PIK3C2G: variants seen among roughly 807,000 people sequenced by gnomAD.
The protein encoded by PIK3C2G is phosphatidylinositol 3-kinase C2 domain-containing subunit gamma.
PIK3C2G carries 168 observed loss-of-function variants against 181.1 expected under a neutral mutation model. That is an observed-to-expected ratio of 0.93 (90% CI 0.82 to 1.05). The LOEUF is 1.05. Among genes scored for constraint, PIK3C2G ranks in the 50% least tolerant of loss-of-function variants. PIK3C2G has a pLI of 0.00. For missense variants in PIK3C2G, 1,869 were observed against 1,732.8 expected (o/e 1.08, Z -1.40); for synonymous variants, 573 against 592.2 (o/e 0.97, Z 0.47).
At chr12:18,519,633 T>A (rs1406862312) in intron 24 of PIK3C2G, among the ~76,000 whole-genome samples, 1 of 152,204 alleles carries the variant, frequency 6.6e-6, no homozygotes, top group African/African-American at 2.4e-5. Context: ...ATGAGTCTCC[T>A]GAATTCAGCA....
chr12:18,717,052 A>T, the PIK3C2G span, among the ~76,000 whole-genome samples: 2 of 152,182 alleles, frequency 1.3e-5, no homozygotes, highest in African/African-American at 4.8e-5. Flanking sequence ...ACTAGTCACA[A>T]GGAAAAATAT....
the PIK3C2G span, among the ~76,000 whole-genome samples, chr12:18,682,916 T>C: frequency 1.3e-5 from 2 of 152,058 alleles, no homozygotes; most frequent in African/African-American, 2.4e-5. Context: ...TTTGCCAATG[T>C]ATATTTTATA....
At chr12:18,292,227 A>AAAAATATAT in intron 4 of PIK3C2G, among the ~76,000 whole-genome samples, 5 of 48,728 alleles carry the variant, frequency 1.0e-4, no homozygotes, top group African/African-American at 5.5e-4. Context: ...AAAAAAAAAA[A>AAAAATATAT]ATATATATAT....
At chr12:18,507,021 TTC>T (rs1379095675) in intron 24 of PIK3C2G, among the ~76,000 whole-genome samples, 2 of 151,974 alleles carry the variant, frequency 1.3e-5, no homozygotes, top group Non-Finnish European at 2.9e-5. Flanking sequence ...ATTCATTCAC[TTC>T]TTTTTCTTTT....
At chr12:18,683,530 T>C in the PIK3C2G span, 1 of 1,511,244 alleles carries the variant, frequency 6.6e-7, no homozygotes. Flanking sequence ...CAAAACTGAA[T>C]ACACAGCTCA....
At chr12:18,702,907 G>A in the PIK3C2G span, among the ~76,000 whole-genome samples, 76 of 135,900 alleles carry the variant, frequency 5.6e-4, no homozygotes, top group East Asian at 0.017. Flanking sequence ...TGCAACCTCC[G>A]CCTCCTGGGT....
At chr12:18,497,176 C>T (rs563277137) in intron 21 of PIK3C2G, among the ~76,000 whole-genome samples, 1 of 151,996 alleles carries the variant, frequency 6.6e-6, no homozygotes, top group East Asian at 1.9e-4. Flanking sequence ...ATTTATACTC[C>T]CAGTCAAGAA....
chr12:18,287,833 C>G (rs1949516365), intron 3 of PIK3C2G, among the ~76,000 whole-genome samples: 4 of 149,166 alleles, frequency 2.7e-5, no homozygotes, highest in Admixed American at 2.0e-4. Flanking sequence ...TGCACTCCAG[C>G]CTGGGCGACA....
intron 30 of PIK3C2G, among the ~76,000 whole-genome samples, chr12:18,602,761 C>T (rs192065926): frequency 3.9e-5 from 6 of 152,192 alleles, no homozygotes; most frequent in South Asian, 2.1e-4. Context: ...TGAATGAACC[C>T]GGAAGAGAGA....
the PIK3C2G span, among the ~76,000 whole-genome samples, chr12:18,659,582 AG>A: frequency 6.6e-6 from 1 of 152,036 alleles, no homozygotes; most frequent in Non-Finnish European, 1.5e-5. Context: ...TTATAGTGAA[AG>A]GATATCCACA....
chr12:18,707,148 T>C, the PIK3C2G span, among the ~76,000 whole-genome samples: 2 of 152,218 alleles, frequency 1.3e-5, no homozygotes, highest in Admixed American at 6.5e-5. Context: ...TCTCCCCATC[T>C]AGAGGTCTTT....
chr12:18,569,050 T>C (rs1033268254), intron 29 of PIK3C2G, among the ~76,000 whole-genome samples: 1 of 152,058 alleles, frequency 6.6e-6, no homozygotes, highest in African/African-American at 2.4e-5. Flanking sequence ...GCAGCTTGTG[T>C]CCCAACCTCT....
intron 12 of PIK3C2G, among the ~76,000 whole-genome samples, chr12:18,365,923 C>T (rs773608467): frequency 2.3e-4 from 35 of 152,148 alleles, no homozygotes; most frequent in Non-Finnish European, 4.3e-4. Context: ...GTTTCAGACC[C>T]TATGTTCAGA....
the PIK3C2G span, among the ~76,000 whole-genome samples, chr12:18,673,887 T>G: frequency 2.6e-5 from 4 of 152,206 alleles, no homozygotes; most frequent in African/African-American, 9.6e-5. Context: ...CTCTTTCACA[T>G]GGCAGCTTGC....
chr12:18,606,097 T>A (rs963193126), intron 30 of PIK3C2G, among the ~76,000 whole-genome samples: 8 of 152,172 alleles, frequency 5.3e-5, no homozygotes, highest in African/African-American at 1.9e-4. Flanking sequence ...TTCCTAGTGG[T>A]GTGAGTTTTC....
At chr12:18,433,221 A>C (rs1355739005) in intron 18 of PIK3C2G, among the ~76,000 whole-genome samples, 1 of 152,170 alleles carries the variant, frequency 6.6e-6, no homozygotes, top group Non-Finnish European at 1.5e-5. Flanking sequence ...TGATATTTAA[A>C]ACATTAAATG....
chr12:18,407,478 A>G (rs1168510028), intron 16 of PIK3C2G, among the ~76,000 whole-genome samples: 1 of 152,080 alleles, frequency 6.6e-6, no homozygotes, highest in African/African-American at 2.4e-5. Flanking sequence ...CATTTATTCA[A>G]TACGTGTATA....
At chr12:18,391,355 C>A in intron 15 of PIK3C2G, 103 bp downstream of exon 15, 2 of 783,654 alleles carry the variant, frequency 2.6e-6, no homozygotes, top group Non-Finnish European at 3.7e-6. Flanking sequence ...TTCCTTCCTA[C>A]ATAACTGGTT....
In PIK3C2G at chr12:18,399,859, A is replaced by G. The variant is rs371582819; in HGVS notation, c.2315+12A>G. On this transcript the variant is annotated intron_variant, in intron 16 of 32. Transcript: ENST00000538779. ...CTTTTGACTTCCAGGTAAGAATTGC[A>G]TAACAAGCATGATATTACTGACTGA... 194 of 1,542,370 alleles carry G rather than the reference A, an allele frequency of 1.3e-4. No individual in the cohort carries two copies. Among genetic ancestry groups the G allele is most frequent in the Non-Finnish European group, 1.6e-4 (183 of 1,130,132 alleles).
Sources: gnomAD v4.1 joint callset for allele counts (sites outside exome capture counted in the v4.1 genomes callset) on GRCh38, gnomAD v4.1.1 for gene constraint, MANE v1.5 for transcripts, NCBI Gene and HGNC (gene_info 2026-07-23, HGNC 2026-07-21) for gene names.